Variants in MOCOS observed in about 807,000 individuals in gnomAD.
The protein encoded by MOCOS is human molybdenum cofactor sulfurase.
MOCOS carries 86 observed loss-of-function variants against 83.6 expected under a neutral mutation model. That is an observed-to-expected ratio of 1.03 (90% CI 0.86 to 1.23). The LOEUF is 1.23. Among genes scored for constraint, MOCOS ranks in the 50% most tolerant of loss-of-function variants. The pLI is 0.00. For missense variants in MOCOS, 1,120 were observed against 1,126.9 expected, an observed-to-expected ratio of 0.99 and a Z score of 0.09; for synonymous variants, 445 against 434.7, an observed-to-expected ratio of 1.02 and a Z score of -0.29.
At chr18:36,218,095 T>C (rs1721022553) in intron 8 of MOCOS, among the ~76,000 whole-genome samples, 1 of 152,096 alleles carries the variant, frequency 6.6e-6, no homozygotes, top group Non-Finnish European at 1.5e-5. Context: ...CCCAGAGATA[T>C]GGTGGAAGGA....
At chr18:36,231,499 G>GA (rs765129665) in intron 9 of MOCOS, among the ~76,000 whole-genome samples, 59 of 152,278 alleles carry the variant, frequency 3.9e-4, no homozygotes, top group Non-Finnish European at 7.1e-4. Context: ...GTATAACATA[G>GA]AAAAAAGACT....
intron 13 of MOCOS, among the ~76,000 whole-genome samples, chr18:36,261,427 A>G (rs966939023): frequency 6.6e-6 from 1 of 152,168 alleles, no homozygotes; most frequent in Non-Finnish European, 1.5e-5. Flanking sequence ...TGGATAAGGA[A>G]TACTCAACCT....
intron 11 of MOCOS, among the ~76,000 whole-genome samples, chr18:36,253,427 G>A (rs1489397853): frequency 6.6e-6 from 1 of 152,150 alleles, no homozygotes; most frequent in African/African-American, 2.4e-5. Flanking sequence ...CAGGACTTTG[G>A]GAGGCCGAGG....
Position 36,238,734 on chromosome 18 carries a change from T to C in MOCOS, c.1961-10188T>C, listed in dbSNP as rs2091569251. ...GATCTGTCTAATGTTTACAGTGGGGTGTTAAAGTCTCCCATTATTAATGTG... is the reference window on the plus strand; with the variant it reads ...GATCTGTCTAATGTTTACAGTGGGGCGTTAAAGTCTCCCATTATTAATGTG... On this transcript the variant is annotated intron_variant, in intron 9 of 14. Coordinates refer to ENST00000261326, the MANE Select transcript of MOCOS (RefSeq NM_017947.4). Among the ~76,000 whole-genome samples the C allele has an allele frequency of 1.9e-5, 2 of 106,002 alleles. 1 individual carries two copies. The highest frequency in any genetic ancestry group is 2.3e-4 in the Admixed American group (2 of 8,804). The allele number at this position is 106,002 out of a possible 152,430, so 69.5% of individuals were successfully genotyped here.
intron 2 of MOCOS, among the ~76,000 whole-genome samples, chr18:36,198,087 A>G (rs2091396843): frequency 6.6e-6 from 1 of 151,940 alleles, no homozygotes; most frequent in Non-Finnish European, 1.5e-5. Flanking sequence ...GTTCCTTTTT[A>G]TTGGCAAATA....
chr18:36,211,085 A>G (rs2091453984), intron 6 of MOCOS, among the ~76,000 whole-genome samples: 1 of 152,044 alleles, frequency 6.6e-6, no homozygotes, highest in Non-Finnish European at 1.5e-5. Flanking sequence ...AGGCATGACT[A>G]ACTGTGCCAG....
intron 9 of MOCOS, among the ~76,000 whole-genome samples, chr18:36,233,966 T>C (rs979560143): frequency 6.6e-6 from 1 of 152,224 alleles, no homozygotes; most frequent in East Asian, 1.9e-4. Flanking sequence ...TTGCAAATAT[T>C]CTCTCTCACT....
chr18:36,249,940 G>A (rs767823658), intron 10 of MOCOS, among the ~76,000 whole-genome samples: 14 of 152,140 alleles, frequency 9.2e-5, no homozygotes, highest in Non-Finnish European at 2.1e-4. Flanking sequence ...TGAATTCTAG[G>A]AAATGTAAAG....
At chr18:36,241,668 G>T (rs1415577257) in intron 9 of MOCOS, among the ~76,000 whole-genome samples, 1 of 152,242 alleles carries the variant, frequency 6.6e-6, no homozygotes, top group Non-Finnish European at 1.5e-5. Flanking sequence ...TTACCCATCT[G>T]TGCTGCTCTA....
rs541978609 is a variant in MOCOS at position 36,200,298 on chromosome 18, C to T, written c.915C>T (p.Tyr305=). 3.1e-6 allele frequency: 5 copies of T among 1,614,086 alleles called. No individual in the cohort carries two copies. The highest frequency in any genetic ancestry group is 1.6e-4 in the Middle Eastern group (1 of 6,062). Residue 305 remains tyrosine (Y), a synonymous_variant, in exon 4 of 15, where the codon TAC becomes TAT. Transcript: ENST00000261326. Reference sequence around the variant, plus strand: ...CGTACCTAGCAGGAGAAGACTTCTACATCCCGAGGCAGTCGGTAGCTCAGA... The same window carrying T: ...CGTACCTAGCAGGAGAAGACTTCTATATCCCGAGGCAGTCGGTAGCTCAGA... ...ASAYLAGEDF[Y]IPRQSVAQRF...
At chr18:36,214,259 A>G (rs1351365383) in intron 7 of MOCOS, among the ~76,000 whole-genome samples, 6 of 66,888 alleles carry the variant, frequency 9.0e-5, no homozygotes, top group African/African-American at 1.7e-4. Flanking sequence ...AAAAAAAAAA[A>G]AAAGAAAAGA....
intron 12 of MOCOS, among the ~76,000 whole-genome samples, 192 bp from the exon 13 acceptor site, chr18:36,259,845 C>T (rs2091656960): frequency 6.6e-6 from 1 of 152,182 alleles, no homozygotes. Flanking sequence ...AGGGGAGGCC[C>T]TGATGCCTGT....
At chr18:36,256,690 C>T (rs1598594110) in intron 11 of MOCOS, among the ~76,000 whole-genome samples, 1 of 152,002 alleles carries the variant, frequency 6.6e-6, no homozygotes, top group South Asian at 2.1e-4. Flanking sequence ...CTTCATGTAA[C>T]CCTCCCACCT....
chr18:36,204,995 TC>T (rs2091429141), intron 5 of MOCOS, 81 bp from the exon 6 acceptor site: 1 of 267,692 alleles, frequency 3.7e-6, no homozygotes, highest in Non-Finnish European at 6.2e-6. Context: ...AGACCGTGTC[TC>T]AAAAAAAAAA....
intron 9 of MOCOS, among the ~76,000 whole-genome samples, chr18:36,227,199 A>G (rs1007855226): frequency 4.6e-5 from 7 of 151,516 alleles, no homozygotes; most frequent in African/African-American, 1.7e-4. Context: ...GGCATGAGCC[A>G]CCACCCCTGG....
intron 9 of MOCOS, among the ~76,000 whole-genome samples, chr18:36,231,902 G>T (rs1001574250): frequency 6.6e-6 from 1 of 152,154 alleles, no homozygotes; most frequent in African/African-American, 2.4e-5. Flanking sequence ...GTTATAAAAA[G>T]ATTTCTAAGA....
At position 36,199,819 on chromosome 18, in the gene MOCOS, T is replaced by A. The variant is rs753483772; in HGVS notation, c.436T>A (p.Cys146Ser). 120 of 1,614,054 alleles carry A rather than the reference T, an allele frequency of 7.4e-5. No individual in the cohort carries two copies. The highest frequency in any genetic ancestry group is 4.4e-5 in the Non-Finnish European group (52 of 1,180,034). Reference sequence around the variant, plus strand: ...CCCAGAGAGCAGTGGGAGTCGCTTCTGTTACCTCACCGACAGCCACACCTC... The same window carrying A: ...CCCAGAGAGCAGTGGGAGTCGCTTCAGTTACCTCACCGACAGCCACACCTC... ...QGPESSGSRF[C>S]YLTDSHTSVV... Residue 146 changes from cysteine to serine, a missense_variant, in exon 4 of 15, where the codon TGT (cysteine) becomes AGT (serine). Physicochemically the swap from Cys to Ser is moderately radical, Grantham distance 112 (BLOSUM62 -1). Coordinates refer to ENST00000261326, the MANE Select transcript of MOCOS (RefSeq NM_017947.4).
At chr18:36,256,006 C>T (rs1165345013) in intron 11 of MOCOS, among the ~76,000 whole-genome samples, 1 of 151,544 alleles carries the variant, frequency 6.6e-6, no homozygotes, top group Non-Finnish European at 1.5e-5. Flanking sequence ...GATCCTCCTG[C>T]CTCAGCCTCC....
chr18:36,259,271 C>T (rs756581300), intron 12 of MOCOS, among the ~76,000 whole-genome samples: 3 of 151,620 alleles, frequency 2.0e-5, no homozygotes, highest in Non-Finnish European at 2.9e-5. Flanking sequence ...AGTGAGACCC[C>T]ATCTCTAAAA....
Sources: allele counts gnomAD v4.1 joint callset (sites outside exome capture counted in the v4.1 genomes callset), GRCh38; gene constraint gnomAD v4.1.1; transcripts MANE v1.5; gene names NCBI Gene and HGNC (gene_info 2026-07-23, HGNC 2026-07-21).